Variants in ABCA3 observed in about 807,000 individuals in gnomAD.
ABCA3 encodes the protein phospholipid-transporting ATPase ABCA3.
Under a neutral mutation model 172.8 loss-of-function variants are expected in ABCA3, and 88 were observed. The observed-to-expected ratio is 0.51, with a 90% CI of 0.43 to 0.61. The LOEUF (loss-of-function observed/expected upper bound fraction) is 0.61, where lower values mean the gene tolerates loss of function less well. Among genes scored for constraint, ABCA3 ranks in the 20% least tolerant of loss-of-function variants. The probability of loss-of-function intolerance (pLI) is 0.00; values close to 1 mark genes in which losing one functional copy is unlikely to be tolerated. For missense variants in ABCA3, 2,164 were observed against 2,301.0 expected (o/e 0.94, Z 1.22); for synonymous variants, 1,066 against 983.8 (o/e 1.08, Z -1.56).
chr16:2,331,138 C>T (rs545870674), intron 1 of ABCA3, among the ~76,000 whole-genome samples: 139 of 152,272 alleles, frequency 9.1e-4, no homozygotes, highest in Non-Finnish European at 1.9e-3. Flanking sequence ...CATATCACTC[C>T]TAGAACATAA....
intron 1 of ABCA3, among the ~76,000 whole-genome samples, chr16:2,336,208 G>T (rs1237379592): frequency 6.6e-6 from 1 of 152,104 alleles, no homozygotes; most frequent in Non-Finnish European, 1.5e-5. Context: ...CTGTCTATAT[G>T]AACATTTACA....
In ABCA3 at chr16:2,283,099, G is replaced by A. The variant is rs1567337362; in HGVS notation, c.4035+87C>T. The A allele has an allele frequency of 1.4e-5, 19 of 1,404,088 alleles. No homozygotes were observed. Among genetic ancestry groups the A allele is most frequent in the Non-Finnish European group, 1.6e-5 (16 of 1,015,504 alleles). The allele number at this position is 1,404,088 out of a possible 1,614,324, so 87.0% of individuals were successfully genotyped here. ...GTGCAGGAGCTGCCTGGTGGAGAAG[G>A]AGGTGGAGCTGCCCCAGGTTGTGCT... On this transcript the variant is annotated intron_variant, in intron 26 of 32. Transcript: ENST00000301732. This position sits in a 1 kb window ranked among gnomAD's most constrained non-coding sequence, Gnocchi z 5.4.
At chr16:2,325,241 C>T (rs868535142) in intron 5 of ABCA3, among the ~76,000 whole-genome samples, 2 of 152,218 alleles carry the variant, frequency 1.3e-5, no homozygotes, top group African/African-American at 4.8e-5. Context: ...GTGCCCTGCC[C>T]TTGTCACAGA....
At position 2,278,651 on chromosome 16, in the gene ABCA3, T is replaced by C. The variant is rs2093650497; in HGVS notation, c.4548-193A>G. ...GGCTGGAGGCCCCAGAGAAGGCTGT[T>C]CCCAGGGGCCCGGTGCACGCACCTA... On this transcript the variant is annotated intron_variant, in intron 29 of 32. Transcript: ENST00000301732. The surrounding 1 kb of genome is among the most constrained non-coding windows in gnomAD (Gnocchi z 4.4). Among the ~76,000 whole-genome samples, 1 of 152,204 alleles carries C rather than the reference T, an allele frequency of 6.6e-6. No homozygotes were observed. Among genetic ancestry groups the C allele is most frequent in the African/African-American group, 2.4e-5 (1 of 41,454 alleles).
chr16:2,297,488 C>A lies in ABCA3; in HGVS notation c.2104G>T (p.Ala702Ser). 1 of 1,613,602 alleles carries A rather than the reference C, an allele frequency of 6.2e-7. No homozygotes were observed. Among genetic ancestry groups the A allele is most frequent in the East Asian group, 2.2e-5 (1 of 44,852 alleles). ...TSGMDAISRR[A>S]IWDLLQRQKS... is the part of the protein sequence containing the mutation. ...TGCCGCTGAAGAAGATCCCAGATGG[C>A]CCTCCTGGAGATGGCGTCCATGCCC... Residue 702 changes from alanine (A) to serine (S), a missense_variant, in exon 17 of 33, where the codon GCC becomes TCC. This residue lies in a region of ABCA3 where 1,343 missense variants were observed against 1,369.6 expected (regional missense o/e 0.98). Transcript: ENST00000301732. The surrounding 1 kb of genome is among the most constrained non-coding windows in gnomAD (Gnocchi z 5.6).
In ABCA3 at chr16:2,319,631, C is replaced by T. The variant is rs955416671; in HGVS notation, c.823G>A (p.Ala275Thr). 1.4e-5 allele frequency: 22 copies of T among 1,613,388 alleles called. No individual in the cohort carries two copies. The highest frequency in any genetic ancestry group is 6.6e-5 in the South Asian group (6 of 91,088). ...LLLLLSFTYTALTIARAVVQE... is the reference protein window; with the variant it reads ...LLLLLSFTYTTLTIARAVVQE... Reference sequence around the variant, plus strand: ...ACGACAGCACGGGCAATGGTGAGCGCGGTGTAGGTGAAGCTGAGCAGCAGC... The same window carrying T: ...ACGACAGCACGGGCAATGGTGAGCGTGGTGTAGGTGAAGCTGAGCAGCAGC... Residue 275 changes from alanine (A) to threonine (T), a missense_variant, in exon 8 of 33, where the codon GCG (alanine) becomes ACG (threonine). Coordinates refer to ENST00000301732, the MANE Select transcript of ABCA3 (RefSeq NM_001089.3).
Position 2,319,759 on chromosome 16 carries a change from C to T in ABCA3, c.695G>A (p.Arg232His), listed in dbSNP as rs375127155. The change falls in exon 8 of 33, where the codon CGC (arginine) becomes CAC (histidine). Residue 232 changes from arginine to histidine, a missense_variant. Arg to His is a conservative substitution (Grantham distance 29). Transcript: ENST00000301732. ...IMEYHADAAT[R>H]QLFQRLTVTI... ...CACCGTCAGTCTCTGGAACAGCTGG[C>T]GTGTGGCGGCATCGGCATGGTACTC... The T allele has an allele frequency of 1.1e-5, 17 of 1,613,826 alleles. No individual in the cohort carries two copies. The highest frequency in any genetic ancestry group is 8.0e-5 in the African/African-American group (6 of 74,870).
intron 1 of ABCA3, among the ~76,000 whole-genome samples, chr16:2,333,689 CT>C (rs879623326): frequency 0.098 from 13,548 of 138,748 alleles, 1,779 homozygotes; most frequent in African/African-American, 0.34. Flanking sequence ...AAATAACATT[CT>C]TTTTTTTTTT....
At chr16:2,317,833 G>T in intron 8 of ABCA3, 69 bp from the exon 9 acceptor site, 4 of 1,444,884 alleles carry the variant, frequency 2.8e-6, no homozygotes, top group Non-Finnish European at 3.9e-6. Context: ...TGCCAGGCTG[G>T]ACGGCAGCAG....
In ABCA3 at chr16:2,278,875, C is replaced by T; in HGVS notation, c.4547+68G>A. 3 of 1,606,792 alleles carry T rather than the reference C, an allele frequency of 1.9e-6. No homozygotes were observed. The highest frequency in any genetic ancestry group is 2.5e-6 in the Non-Finnish European group (3 of 1,176,908). On this transcript the variant is annotated intron_variant, in intron 29 of 32. Transcript: ENST00000301732. This position sits in a 1 kb window ranked among gnomAD's most constrained non-coding sequence, Gnocchi z 4.4. Reference sequence around the variant, plus strand: ...GGCTGCTGACCTGAGCGGTCACTCCCAGCTCTATGCTATGGGGACCTTGAT... The same window carrying T: ...GGCTGCTGACCTGAGCGGTCACTCCTAGCTCTATGCTATGGGGACCTTGAT...
At chr16:2,320,462 TCA>T in intron 7 of ABCA3, among the ~76,000 whole-genome samples, 1 of 150,060 alleles carries the variant, frequency 6.7e-6, no homozygotes, top group African/African-American at 2.5e-5. Context: ...CGATCTCGGC[TCA>T]CTGCAACGTC....
At chr16:2,333,772 T>C (rs2093747147) in intron 1 of ABCA3, among the ~76,000 whole-genome samples, 3 of 150,026 alleles carry the variant, frequency 2.0e-5, no homozygotes, top group African/African-American at 7.4e-5. Flanking sequence ...CACTGCAACC[T>C]CCGCCTCCTG....
Position 2,326,345 on chromosome 16 carries a change from C to T in ABCA3, c.54+68G>A, listed in dbSNP as rs925677190. On this transcript the variant is annotated intron_variant, in intron 4 of 32. Coordinates refer to ENST00000301732, the MANE Select transcript of ABCA3 (RefSeq NM_001089.3). Reference sequence around the variant, plus strand: ...GCAGGGGCATGCAGACAGCCCTTCCCTCAAGGGCATCCCCAGGAGCCTCTG... The same window carrying T: ...GCAGGGGCATGCAGACAGCCCTTCCTTCAAGGGCATCCCCAGGAGCCTCTG... 4.3e-5 allele frequency: 70 copies of T among 1,611,470 alleles called. No individual in the cohort carries two copies. In the Admixed American group the frequency reaches 1.2e-3, roughly 26 times the overall value.
At chr16:2,292,653 C>T (rs985597139) in intron 18 of ABCA3, among the ~76,000 whole-genome samples, 2 of 152,090 alleles carry the variant, frequency 1.3e-5, no homozygotes, top group Admixed American at 1.3e-4. Flanking sequence ...GGTGCAGTAT[C>T]TCACACCTGT....
In ABCA3 at chr16:2,288,025, C is replaced by T. The variant is rs1354156706; in HGVS notation, c.3004+1G>A. 1.2e-6 allele frequency: 2 copies of T among 1,604,850 alleles called. No individual in the cohort carries two copies. The highest frequency in any genetic ancestry group is 1.7e-6 in the Non-Finnish European group (2 of 1,179,886). ...CGTCCCGCCCCCGGGATGCCCCTTACCGAGCACCTCGCGGGGCTCCTGTCC... is the reference window on the plus strand; with the variant it reads ...CGTCCCGCCCCCGGGATGCCCCTTATCGAGCACCTCGCGGGGCTCCTGTCC... On this transcript the variant is annotated splice_donor_variant, in intron 21 of 32. Coordinates refer to ENST00000301732, the MANE Select transcript of ABCA3 (RefSeq NM_001089.3). LOFTEE classifies it high-confidence loss of function.
At chr16:2,303,869 G>A (rs749217941) in intron 12 of ABCA3, 100 bp downstream of exon 12, 41 of 1,356,826 alleles carry the variant, frequency 3.0e-5, no homozygotes, top group Non-Finnish European at 3.8e-5. Flanking sequence ...CCCCACGCAG[G>A]TGCTGCATGC....
intron 10 of ABCA3, among the ~76,000 whole-genome samples, chr16:2,313,436 G>C (rs569866743): frequency 3.8e-4 from 58 of 151,466 alleles, no homozygotes; most frequent in Admixed American, 1.3e-3. Flanking sequence ...CACCTGTAGT[G>C]CCAGCTACTC....
rs564562034 is a variant in ABCA3, at chr16:2,308,686, C to T, written c.1112-63G>A. On this transcript the variant is annotated intron_variant, in intron 10 of 32. Coordinates refer to ENST00000301732, the MANE Select transcript of ABCA3 (RefSeq NM_001089.3). Reference sequence around the variant, plus strand: ...GTGCCCTCAAAAGGGGCTTGGGCTCCCCGAGGTACAGGCAACCCCCTACTC... The same window carrying T: ...GTGCCCTCAAAAGGGGCTTGGGCTCTCCGAGGTACAGGCAACCCCCTACTC... 3.5e-4 allele frequency: 552 copies of T among 1,598,292 alleles called. 1 individual carries two copies. Among genetic ancestry groups the T allele is most frequent in the South Asian group, 9.0e-4 (81 of 90,158 alleles).
rs375910092 is a variant in ABCA3, at chr16:2,278,416, G to C, written c.4590C>G (p.Ile1530Met). Residue 1530 changes from isoleucine (I) to methionine (M), a missense_variant, in exon 30 of 33, where the codon ATC becomes ATG. Physicochemically the swap from Ile to Met is conservative, Grantham distance 10 (BLOSUM62 1). This residue lies in a region of ABCA3 where 795 missense variants were observed against 881.9 expected (regional missense o/e 0.90). Coordinates refer to ENST00000301732, the MANE Select transcript of ABCA3 (RefSeq NM_001089.3). The surrounding 1 kb of genome is among the most constrained non-coding windows in gnomAD (Gnocchi z 4.4). Reference protein sequence around the residue: ...KRKLSTGIALIGEPAVIFLDE... With the variant: ...KRKLSTGIALMGEPAVIFLDE... The stretch of plus-strand genomic sequence containing the variant: ...CCAGGAAGATGACAGCAGGCTCTCC[G>C]ATCAGGGCGATGCCGGTGCTCAGCT... 3 of 1,612,790 alleles carry C rather than the reference G, an allele frequency of 1.9e-6. No homozygotes were observed. The highest frequency in any genetic ancestry group is 2.7e-5 in the African/African-American group (2 of 74,948).
Sources: gnomAD v4.1 joint callset for allele counts (sites outside exome capture counted in the v4.1 genomes callset) on GRCh38, gnomAD v4.1.1 for gene constraint, gnomAD v4.1.1 regional missense constraint, Gnocchi (gnomAD v3.1) non-coding constraint, MANE v1.5 for transcripts, NCBI Gene and HGNC (gene_info 2026-07-23, HGNC 2026-07-21) for gene names.